MEI4: variants seen among roughly 807,000 people sequenced by gnomAD.
MEI4 encodes the protein meiotic double-stranded break formation protein 4, also known as meiosis-specific protein MEI4.
A neutral mutation model predicts 31.4 loss-of-function variants in MEI4; 27 were observed. The ratio of observed to expected loss-of-function variants is 0.86; its 90% CI spans 0.63 to 1.19. MEI4 has a LOEUF of 1.19. Ranked by LOEUF, MEI4 falls within the 50% of genes most tolerant of loss-of-function variation. The pLI, the probability that MEI4 is intolerant of heterozygous loss-of-function variation, is 0.00. For synonymous variants in MEI4, 122 were observed against 145.4 expected (o/e 0.84, Z 1.16); for missense variants, 329 against 398.9 (o/e 0.82, Z 1.49).
chr6:77,653,071 A>G lies in MEI4; in HGVS notation c.-36A>G, dbSNP rs1396342503. Among the ~76,000 whole-genome samples the G allele has an allele frequency of 6.6e-6, 1 of 152,012 alleles. No homozygotes were observed. Among genetic ancestry groups the G allele is most frequent in the East Asian group, 1.9e-4 (1 of 5,180 alleles). On this transcript the variant is annotated 5_prime_UTR_variant, in exon 1 of 5. Coordinates refer to ENST00000684080, the MANE Select transcript of MEI4 (RefSeq NM_001322247.2). ...CGTTCTCTTGCCCTGTTATCATCTC[A>G]TTTCTGCTTCTCTGTTTACTGGTGA...
intron 3 of MEI4, among the ~76,000 whole-genome samples, chr6:77,812,942 T>G (rs1769609534): frequency 6.6e-6 from 1 of 151,886 alleles, no homozygotes; most frequent in East Asian, 1.9e-4. Context: ...AAATGAGTAG[T>G]TTTCAGGTGA....
At chr6:77,921,545 G>A (rs1766704330) in intron 4 of MEI4, among the ~76,000 whole-genome samples, 1 of 151,778 alleles carries the variant, frequency 6.6e-6, no homozygotes, top group Non-Finnish European at 1.5e-5. Flanking sequence ...CTCTTTCTTT[G>A]AATTTACAAC....
At chr6:77,824,815 T>G (rs1745537063) in intron 3 of MEI4, among the ~76,000 whole-genome samples, 2 of 152,196 alleles carry the variant, frequency 1.3e-5, no homozygotes, top group African/African-American at 2.4e-5. Flanking sequence ...GCCTAAATTC[T>G]TAGTTCACAT....
chr6:77,733,040 T>G (rs1489743845), intron 2 of MEI4, among the ~76,000 whole-genome samples: 2 of 152,096 alleles, frequency 1.3e-5, no homozygotes, highest in African/African-American at 4.8e-5. Context: ...AGTATTTTAT[T>G]GAGGATTTTT....
intron 1 of MEI4, among the ~76,000 whole-genome samples, chr6:77,670,159 A>G (rs760313295): frequency 6.6e-6 from 1 of 151,998 alleles, no homozygotes; most frequent in African/African-American, 2.4e-5. Flanking sequence ...TCTCCCTGCA[A>G]TTTGCACATA....
chr6:77,733,117 G>A (rs1767062012), intron 2 of MEI4, among the ~76,000 whole-genome samples: 1 of 151,730 alleles, frequency 6.6e-6, no homozygotes. Flanking sequence ...GCCAGGCTTT[G>A]GTATCAAGAT....
chr6:77,736,862 TA>T (rs1036295577), intron 2 of MEI4, among the ~76,000 whole-genome samples: 1 of 45,902 alleles, frequency 2.2e-5, no homozygotes, highest in Non-Finnish European at 3.5e-5. Flanking sequence ...ACAGGACTTT[TA>T]AAAGTATTTT....
chr6:77,872,902 A>T (rs1350878511), intron 4 of MEI4, among the ~76,000 whole-genome samples: 1 of 151,420 alleles, frequency 6.6e-6, no homozygotes, highest in Admixed American at 6.6e-5. Context: ...CCTACAAAGG[A>T]CATGAACTCA....
intron 4 of MEI4, among the ~76,000 whole-genome samples, chr6:77,838,031 G>T (rs1277483250): frequency 6.6e-6 from 1 of 152,078 alleles, no homozygotes; most frequent in Non-Finnish European, 1.5e-5. Flanking sequence ...TAGCAAACTT[G>T]TCATCATAAG....
rs554344201 is a variant in MEI4 at position 77,784,872 on chromosome 6, G to T, written c.768+23207G>T. On this transcript the variant is annotated intron_variant, in intron 3 of 4. Transcript: ENST00000684080. ...GTTCACTTGCCATCCTAGGCAACTCGTATTAATCCTTCTATTTCTCATTCT... is the reference window on the plus strand; with the variant it reads ...GTTCACTTGCCATCCTAGGCAACTCTTATTAATCCTTCTATTTCTCATTCT... Among the ~76,000 whole-genome samples the T allele has an allele frequency of 3.3e-5, 5 of 152,242 alleles. No homozygotes were observed. The East Asian group carries it at 7.7e-4, about 24-fold the overall frequency.
At chr6:77,742,812 G>A (rs1291326831) in intron 2 of MEI4, among the ~76,000 whole-genome samples, 1 of 151,940 alleles carries the variant, frequency 6.6e-6, no homozygotes, top group South Asian at 2.1e-4. Flanking sequence ...GTGTAAGGAA[G>A]GGATCCAGTT....
intron 4 of MEI4, among the ~76,000 whole-genome samples, chr6:77,854,679 G>A (rs1770705857): frequency 6.6e-6 from 1 of 152,060 alleles, no homozygotes; most frequent in Non-Finnish European, 1.5e-5. Context: ...TTATGACAGA[G>A]CACAGAAAAG....
chr6:77,923,085 G>A lies in MEI4; in HGVS notation c.901-4G>A, dbSNP rs1766747905. ...TTTTAAAGGAGTTTGTTGTTTATTTGTAGGAGCAAGCCAGTTATGATGTGT... is the reference window on the plus strand; with the variant it reads ...TTTTAAAGGAGTTTGTTGTTTATTTATAGGAGCAAGCCAGTTATGATGTGT... On this transcript the variant is annotated splice_polypyrimidine_tract_variant and splice_region_variant and intron_variant, in intron 4 of 4. Coordinates refer to ENST00000684080, the MANE Select transcript of MEI4 (RefSeq NM_001322247.2). 4 of 1,229,480 alleles carry A rather than the reference G, an allele frequency of 3.3e-6. No individual in the cohort carries two copies. In the South Asian group the frequency reaches 1.6e-4, roughly 51 times the overall value. The allele number at this position is 1,229,480 out of a possible 1,614,324, so 76.2% of individuals were successfully genotyped here.
intron 4 of MEI4, among the ~76,000 whole-genome samples, chr6:77,866,990 T>A (rs949341603): frequency 1.3e-5 from 2 of 152,194 alleles, no homozygotes; most frequent in Admixed American, 6.5e-5. Flanking sequence ...CCCTATTTAA[T>A]ATATGATGCT....
At chr6:77,712,551 T>A (rs1019815763) in intron 2 of MEI4, among the ~76,000 whole-genome samples, 1 of 152,198 alleles carries the variant, frequency 6.6e-6, no homozygotes, top group Admixed American at 6.5e-5. Flanking sequence ...AGGGCAAGGC[T>A]TAGAATGCCA....
chr6:77,905,579 C>G (rs1022714618), intron 4 of MEI4, among the ~76,000 whole-genome samples: 1 of 141,112 alleles, frequency 7.1e-6, no homozygotes, highest in African/African-American at 2.6e-5. Context: ...TCACTGCAAC[C>G]TCCGCCTCCC....
intron 3 of MEI4, among the ~76,000 whole-genome samples, chr6:77,811,537 G>GGA (rs1173060271): frequency 2.6e-5 from 4 of 152,066 alleles, no homozygotes; most frequent in African/African-American, 9.7e-5. Context: ...CAGCACTTTG[G>GGA]GAGGCTGAGG....
intron 2 of MEI4, among the ~76,000 whole-genome samples, chr6:77,746,645 G>A (rs972605111): frequency 1.6e-5 from 1 of 62,162 alleles, no homozygotes; most frequent in African/African-American, 1.4e-4. Flanking sequence ...TGGCGTGTGT[G>A]TGTGTGTGTG....
intron 1 of MEI4, among the ~76,000 whole-genome samples, chr6:77,676,706 C>G (rs1768851889): frequency 6.6e-6 from 1 of 152,116 alleles, no homozygotes; most frequent in South Asian, 2.1e-4. Context: ...GTGGGGAAGC[C>G]TGGCGGTTAG....
Sources: gnomAD v4.1 joint callset for allele counts (sites outside exome capture counted in the v4.1 genomes callset) on GRCh38, gnomAD v4.1.1 for gene constraint, MANE v1.5 for transcripts, NCBI Gene and HGNC (gene_info 2026-07-23, HGNC 2026-07-21) for gene names.